Variants in TPCN2 observed in about 807,000 individuals in gnomAD.
TPCN2 encodes the protein two pore channel protein 2.
TPCN2 carries 92 observed loss-of-function variants against 111.4 expected under a neutral mutation model. The ratio of observed to expected loss-of-function variants is 0.83; its 90% CI spans 0.70 to 0.98. TPCN2 has a LOEUF of 0.98. TPCN2 is among the 50% of genes least tolerant of loss of function. TPCN2 has a pLI of 0.00. For synonymous variants in TPCN2, 405 were observed against 414.5 expected, an observed-to-expected ratio of 0.98 and a Z score of 0.28; for missense variants, 995 against 980.1, an observed-to-expected ratio of 1.02 and a Z score of -0.20.
Position 69,078,911 on chromosome 11 carries a change from T to C in TPCN2, c.1430T>C (p.Ile477Thr). Reference sequence around the variant, plus strand: ...TTTCAGATTCTCAACTGCGTCTTCATTGTGTACTACCTGTTGGAGATGCTG... The same window carrying C: ...TTTCAGATTCTCAACTGCGTCTTCACTGTGTACTACCTGTTGGAGATGCTG... Reference protein sequence around the residue: ...FILGILNCVFIVYYLLEMLLK... With the variant: ...FILGILNCVFTVYYLLEMLLK... Residue 477 changes from isoleucine (I) to threonine (T), a missense_variant, in exon 16 of 25, where the codon ATT becomes ACT. Ile to Thr is a moderately conservative substitution (Grantham distance 89). Coordinates refer to ENST00000294309, the MANE Select transcript of TPCN2 (RefSeq NM_139075.4). 3 of 1,614,092 alleles carry C rather than the reference T, an allele frequency of 1.9e-6. No homozygotes were observed. Among genetic ancestry groups the C allele is most frequent in the East Asian group, 2.2e-5 (1 of 44,884 alleles).
intron 4 of TPCN2, among the ~76,000 whole-genome samples, chr11:69,057,065 C>T (rs10896400): frequency 0.88 from 133,067 of 151,838 alleles, 59,759 homozygotes; most frequent in Non-Finnish European, 0.99. Flanking sequence ...CTCAAACTCC[C>T]GACCTTGAGT....
chr11:69,063,780 T>A, intron 6 of TPCN2, 115 bp from the exon 7 acceptor site: 2 of 945,290 alleles, frequency 2.1e-6, no homozygotes, highest in Non-Finnish European at 3.3e-6. Context: ...GCTGCCTGGA[T>A]CCACCCCAGC....
chr11:69,067,707 C>G, intron 8 of TPCN2, 102 bp downstream of exon 8: 1 of 962,762 alleles, frequency 1.0e-6, no homozygotes, highest in Non-Finnish European at 1.6e-6. Flanking sequence ...GTTTCTGAGG[C>G]CTTTTTTTCG....
chr11:69,081,775 G>A (rs1358771018), intron 18 of TPCN2, among the ~76,000 whole-genome samples: 1 of 152,116 alleles, frequency 6.6e-6, no homozygotes, highest in Non-Finnish European at 1.5e-5. Flanking sequence ...AGCTCCTTGG[G>A]GCTGGAGCCC....
intron 5 of TPCN2, among the ~76,000 whole-genome samples, chr11:69,058,211 G>A (rs911502269): frequency 1.3e-5 from 2 of 152,316 alleles, no homozygotes; most frequent in South Asian, 2.1e-4. Context: ...AGGTGGGTGC[G>A]GAGTCAGCAG....
At chr11:69,073,494 C>T (rs1168211732) in intron 13 of TPCN2, among the ~76,000 whole-genome samples, 1 of 152,238 alleles carries the variant, frequency 6.6e-6, no homozygotes, top group African/African-American at 2.4e-5. Context: ...TCCAGCTGCT[C>T]AGCCTCAGAG....
rs538157837 is a variant in TPCN2, at chr11:69,055,114, C to T, written c.252-61C>T. The T allele has an allele frequency of 5.4e-5, 85 of 1,564,474 alleles. 1 individual carries two copies. In the African/African-American group the frequency reaches 1.1e-3, roughly 20 times the overall value. Reference sequence around the variant, plus strand: ...GCTTCGGACTGGGGAAGCTCCTGACCAGCCTCTGGGCCCTGAGGGCTGCTG... The same window carrying T: ...GCTTCGGACTGGGGAAGCTCCTGACTAGCCTCTGGGCCCTGAGGGCTGCTG... On this transcript the variant is annotated intron_variant, in intron 3 of 24. Coordinates refer to ENST00000294309, the MANE Select transcript of TPCN2 (RefSeq NM_139075.4).
intron 4 of TPCN2, 136 bp from the exon 5 acceptor site, chr11:69,057,442 G>A (rs7931790): frequency 0.18 from 146,620 of 802,478 alleles, 14,750 homozygotes; most frequent in South Asian, 0.23. Flanking sequence ...GCTGCTCTGC[G>A]TCCCGTGGGG....
chr11:69,086,168 CGTT>C (rs1197050526), intron 22 of TPCN2, among the ~76,000 whole-genome samples: 1 of 152,140 alleles, frequency 6.6e-6, no homozygotes, highest in Non-Finnish European at 1.5e-5. Context: ...TCCTGGAGGT[CGTT>C]GGTGTGTTTG....
intron 13 of TPCN2, among the ~76,000 whole-genome samples, chr11:69,076,978 T>TGTCCCTCCACCTGCCCTCCTGCCAC (rs1855798829): frequency 4.6e-5 from 4 of 87,754 alleles, no homozygotes; most frequent in Non-Finnish European, 6.9e-5. Context: ...CCTCCTGCCA[T>TGTCCCTCCACCTGCCCTCCTGCCAC]GTCCCTCCAC....
At position 69,081,444 on chromosome 11, in the gene TPCN2, G is replaced by C. The variant is rs199541741; in HGVS notation, c.1634G>C (p.Arg545Pro). The C allele has an allele frequency of 4.1e-5, 65 of 1,574,016 alleles. 1 individual carries two copies. The Admixed American group carries it at 9.0e-4, about 22-fold the overall frequency. ...VGLLSLWDMT[R>P]MLNMLIVFRF... ...CTGCTGTCGCTGTGGGACATGACCC[G>C]CATGCTGAACATGCTCATCGTGTTC... The change falls in exon 18 of 25, where the codon CGC becomes CCC. Residue 545 changes from arginine (R) to proline (P), a missense_variant. Arg to Pro is a moderately radical substitution (Grantham distance 103). Transcript: ENST00000294309.
intron 4 of TPCN2, among the ~76,000 whole-genome samples, chr11:69,056,511 CTCT>C (rs1409027759): frequency 6.6e-6 from 1 of 152,130 alleles, no homozygotes; most frequent in Non-Finnish European, 1.5e-5. Context: ...AAGCTGTGAC[CTCT>C]GGGGGCTGTC....
At chr11:69,072,861 G>C in intron 12 of TPCN2, 54 bp from the exon 13 acceptor site, 3 of 1,546,128 alleles carry the variant, frequency 1.9e-6, no homozygotes, top group Non-Finnish European at 2.7e-6. Flanking sequence ...GCTCACCTTC[G>C]AGGGCGCTCA....
intron 7 of TPCN2, among the ~76,000 whole-genome samples, chr11:69,067,122 C>A (rs544383551): frequency 5.9e-5 from 9 of 152,308 alleles, no homozygotes; most frequent in African/African-American, 2.2e-4. Context: ...CAGCCTGGGC[C>A]CCTCTGCTCC....
intron 13 of TPCN2, among the ~76,000 whole-genome samples, chr11:69,073,453 G>A (rs1855623869): frequency 6.6e-6 from 1 of 152,266 alleles, no homozygotes; most frequent in Non-Finnish European, 1.5e-5. Context: ...GGTGCTCACA[G>A]GCAGTGTGGG....
At chr11:69,063,744 G>A (rs1855128001) in intron 6 of TPCN2, 151 bp from the exon 7 acceptor site, 1 of 684,292 alleles carries the variant, frequency 1.5e-6, no homozygotes, top group East Asian at 2.7e-5. Flanking sequence ...ATGAGGCAAG[G>A]CCCTCGGGGA....
At chr11:69,084,412 C>G (rs1590753396) in intron 19 of TPCN2, among the ~76,000 whole-genome samples, 1 of 152,314 alleles carries the variant, frequency 6.6e-6, no homozygotes, top group East Asian at 1.9e-4. Flanking sequence ...AGGACTTGGT[C>G]GAGGCTCCTT....
chr11:69,074,814 T>A (rs1590736828), intron 13 of TPCN2, among the ~76,000 whole-genome samples: 1 of 152,090 alleles, frequency 6.6e-6, no homozygotes, highest in East Asian at 1.9e-4. Context: ...GGAAAGGTGG[T>A]TTTTGTTCCT....
Position 69,072,934 on chromosome 11 carries a change from G to T in TPCN2, c.1163G>T (p.Ser388Ile). The T allele has an allele frequency of 6.2e-7, 1 of 1,613,648 alleles. No individual in the cohort carries two copies. The highest frequency in any genetic ancestry group is 8.5e-7 in the Non-Finnish European group (1 of 1,179,572). ...GTGCAGAAGGTGCGTTCCTATGGCA[G>T]TGTTCTGCTCTCAGCTGAGGAGTTT... ...AMMEKVRSYG[S>I]VLLSAEEFQK... The change falls in exon 13 of 25, where the codon AGT (serine) becomes ATT (isoleucine). Residue 388 changes from serine to isoleucine, a missense_variant. Coordinates refer to ENST00000294309, the MANE Select transcript of TPCN2 (RefSeq NM_139075.4).
Sources: allele counts gnomAD v4.1 joint callset (sites outside exome capture counted in the v4.1 genomes callset), GRCh38; gene constraint gnomAD v4.1.1; transcripts MANE v1.5; gene names NCBI Gene and HGNC (gene_info 2026-07-23, HGNC 2026-07-21).